Variants in GSDMC observed in about 807,000 individuals in gnomAD.
GSDMC encodes gasdermin C, also known as gasdermin-C.
A neutral mutation model predicts 58.0 loss-of-function variants in GSDMC; 59 were observed. That is an observed-to-expected ratio of 1.02 (90% CI 0.82 to 1.26). The LOEUF (loss-of-function observed/expected upper bound fraction) is 1.26, where lower values mean the gene tolerates loss of function less well. GSDMC is among the 50% of genes most tolerant of loss of function. GSDMC has a pLI of 0.00. For missense variants in GSDMC, 659 were observed against 598.5 expected, an observed-to-expected ratio of 1.10 and a Z score of -1.06; for synonymous variants, 241 against 220.2, an observed-to-expected ratio of 1.09 and a Z score of -0.83.
chr8:129,715,686 A>G, the GSDMC span, among the ~76,000 whole-genome samples: 16 of 152,184 alleles, frequency 1.1e-4, no homozygotes, highest in African/African-American at 3.6e-4. Flanking sequence ...ACAAAAAGAC[A>G]TCATCATTTA....
chr8:129,748,806 C>T (rs957108574), intron 13 of GSDMC, 66 bp from the exon 14 acceptor site: 2 of 1,366,054 alleles, frequency 1.5e-6, no homozygotes, highest in Non-Finnish European at 2.0e-6. Context: ...GCTTCTGCCC[C>T]AGTATCCAGG....
the GSDMC span, among the ~76,000 whole-genome samples, chr8:129,716,482 T>C: frequency 2.1e-4 from 32 of 152,356 alleles, no homozygotes; most frequent in South Asian, 3.3e-3. Context: ...CCTGATACTT[T>C]GCTGAAGTGG....
intron 6 of GSDMC, among the ~76,000 whole-genome samples, chr8:129,760,195 T>C (rs2033603471): frequency 2.0e-5 from 3 of 152,144 alleles, no homozygotes; most frequent in Non-Finnish European, 4.4e-5. Flanking sequence ...ATAAGTATGC[T>C]ACCTGAGACT....
chr8:129,748,769 A>G, intron 13 of GSDMC, 29 bp from the exon 14 acceptor site: 2 of 1,479,294 alleles, frequency 1.4e-6, no homozygotes, highest in Non-Finnish European at 1.8e-6. Context: ...GGTTCTACAG[A>G]CCAGCCTTTA....
the GSDMC span, among the ~76,000 whole-genome samples, chr8:129,708,408 G>A: frequency 5.3e-5 from 8 of 152,216 alleles, no homozygotes; most frequent in Admixed American, 1.3e-4. Flanking sequence ...TGGCAAATGC[G>A]GCTCTGTCTC....
At chr8:129,778,544 T>C (rs2034315581) in intron 1 of GSDMC, among the ~76,000 whole-genome samples, 1 of 152,076 alleles carries the variant, frequency 6.6e-6, no homozygotes, top group Admixed American at 6.5e-5. Flanking sequence ...ATTCTGGACA[T>C]AGGAACTGGC....
the GSDMC span, among the ~76,000 whole-genome samples, chr8:129,716,142 A>G: frequency 6.6e-6 from 1 of 152,232 alleles, no homozygotes; most frequent in Non-Finnish European, 1.5e-5. Flanking sequence ...AAGATGATAG[A>G]CTTAAACATG....
At chr8:129,781,095 C>T (rs1279235515) in intron 1 of GSDMC, among the ~76,000 whole-genome samples, 1 of 151,978 alleles carries the variant, frequency 6.6e-6, no homozygotes, top group Non-Finnish European at 1.5e-5. Flanking sequence ...AGATTACCTT[C>T]ACTAAAAGGA....
At chr8:129,771,312 C>T (rs2034041845) in intron 3 of GSDMC, among the ~76,000 whole-genome samples, 1 of 151,718 alleles carries the variant, frequency 6.6e-6, no homozygotes, top group African/African-American at 2.4e-5. Context: ...ACATTATAAA[C>T]CAAATGAACC....
intron 6 of GSDMC, among the ~76,000 whole-genome samples, chr8:129,757,678 G>A (rs376638204): frequency 1.6e-4 from 24 of 152,110 alleles, no homozygotes; most frequent in African/African-American, 4.8e-4. Context: ...CTAGCAAACC[G>A]AATTCAATGA....
the GSDMC span, among the ~76,000 whole-genome samples, chr8:129,711,948 G>A: frequency 1.3e-5 from 2 of 152,134 alleles, no homozygotes; most frequent in Non-Finnish European, 2.9e-5. Context: ...AAGAGTCACA[G>A]CATGCTACTA....
chr8:129,777,465 C>A lies in GSDMC; in HGVS notation c.123G>T (p.Lys41Asn). The A allele has an allele frequency of 2.5e-6, 4 of 1,613,146 alleles. No homozygotes were observed. In the South Asian group the frequency reaches 4.4e-5, roughly 18 times the overall value. The change falls in exon 2 of 14, where the codon AAG becomes AAT. Residue 41 changes from lysine (K) to asparagine (N), a missense_variant. Lys to Asn is a moderately conservative substitution (Grantham distance 94). Transcript: ENST00000276708. ...AAAATGATGAACGAGAATCCTTCTTCTTTCGTAATATAACAAACTGACGTA... is the reference window on the plus strand; with the variant it reads ...AAAATGATGAACGAGAATCCTTCTTATTTCGTAATATAACAAACTGACGTA... ...TKLRQFVILR[K>N]KKDSRSSFWE...
At chr8:129,718,989 C>T in the GSDMC span, among the ~76,000 whole-genome samples, 1 of 152,060 alleles carries the variant, frequency 6.6e-6, no homozygotes, top group African/African-American at 2.4e-5. Flanking sequence ...ACAATGAGAA[C>T]ACACGGACAC....
chr8:129,741,502 T>C, the GSDMC span, among the ~76,000 whole-genome samples: 370 of 152,270 alleles, frequency 2.4e-3, 9 homozygotes, highest in East Asian at 0.063. Context: ...TATTTGTGTC[T>C]TCTTTAATTG....
intron 6 of GSDMC, among the ~76,000 whole-genome samples, chr8:129,755,852 A>G (rs1445488703): frequency 6.6e-6 from 1 of 152,002 alleles, no homozygotes; most frequent in East Asian, 1.9e-4. Context: ...AGTAACCTCA[A>G]ATCAAAAGAC....
the GSDMC span, among the ~76,000 whole-genome samples, chr8:129,711,274 A>C: frequency 6.6e-6 from 1 of 151,812 alleles, no homozygotes; most frequent in Admixed American, 6.6e-5. Context: ...CTTCACATCC[A>C]CTCTCTTATC....
At chr8:129,776,055 C>T (rs369951973) in intron 3 of GSDMC, 47 bp downstream of exon 3, 885 of 1,416,048 alleles carry the variant, frequency 6.2e-4, no homozygotes, top group Non-Finnish European at 8.0e-4. Flanking sequence ...AGGAAAACAC[C>T]CCCTGGGATA....
intron 3 of GSDMC, among the ~76,000 whole-genome samples, chr8:129,770,788 T>TA (rs1374177139): frequency 6.6e-6 from 1 of 151,822 alleles, no homozygotes; most frequent in Non-Finnish European, 1.5e-5. Flanking sequence ...TACCTATCAA[T>TA]AATTATATTA....
intron 3 of GSDMC, among the ~76,000 whole-genome samples, chr8:129,769,128 A>G (rs1296937147): frequency 1.3e-5 from 2 of 152,132 alleles, no homozygotes; most frequent in African/African-American, 2.4e-5. Flanking sequence ...AAAAAATGGA[A>G]ACTCCCAAAT....
Sources: gnomAD v4.1 joint callset for allele counts (sites outside exome capture counted in the v4.1 genomes callset) on GRCh38, gnomAD v4.1.1 for gene constraint, MANE v1.5 for transcripts, NCBI Gene and HGNC (gene_info 2026-07-23, HGNC 2026-07-21) for gene names.